CACNG4: variants seen among roughly 807,000 people sequenced by gnomAD.
The protein encoded by CACNG4 is calcium voltage-gated channel auxiliary subunit gamma 4.
A neutral mutation model predicts 22.9 loss-of-function variants in CACNG4; 8 were observed. The observed-to-expected ratio is 0.35, with a 90% CI of 0.21 to 0.63. CACNG4 has a LOEUF of 0.63. Ranked by LOEUF, CACNG4 falls within the 30% of genes least tolerant of loss-of-function variation. CACNG4 has a pLI of 0.72. For synonymous variants in CACNG4, 188 were observed against 191.9 expected (o/e 0.98, Z 0.17); for missense variants, 357 against 455.4 (o/e 0.78, Z 1.97).
At chr17:66,968,842 T>A (rs957839376) in intron 1 of CACNG4, among the ~76,000 whole-genome samples, 1 of 148,330 alleles carries the variant, frequency 6.7e-6, no homozygotes, top group Non-Finnish European at 1.5e-5. Flanking sequence ...TTTGTCTATG[T>A]CTCTCTCCCA....
intron 2 of CACNG4, 58 bp from the exon 3 acceptor site, chr17:67,024,802 C>T: frequency 7.0e-7 from 1 of 1,434,968 alleles, no homozygotes; most frequent in Non-Finnish European, 9.2e-7. Context: ...GCAGCCATGC[C>T]CGGGAGGGCA....
intron 1 of CACNG4, among the ~76,000 whole-genome samples, chr17:66,986,477 T>C (rs2035306352): frequency 6.6e-6 from 1 of 152,064 alleles, no homozygotes; most frequent in Admixed American, 6.5e-5. Flanking sequence ...AGATGGTGCC[T>C]TGGAAATAGA....
rs555971941 is a variant in CACNG4 at position 67,024,930 on chromosome 17, C to T, written c.375C>T (p.Ile125=). 328 of 1,606,798 alleles carry T rather than the reference C, an allele frequency of 2.0e-4. No individual in the cohort carries two copies. Among genetic ancestry groups the T allele is most frequent in the Non-Finnish European group, 2.5e-4 (294 of 1,177,868 alleles). Residue 125 remains isoleucine, a synonymous_variant, in exon 3 of 4, where the codon ATC becomes ATT. Coordinates refer to ENST00000262138, the MANE Select transcript of CACNG4 (RefSeq NM_014405.4). ...TILLLLGGLC[I]GAGRIYSRKN... ...TGCTCCTGCTGGGTGGCCTGTGCAT[C>T]GGTGCTGGCAGGATCTACAGCCGCA...
chr17:66,973,247 A>T (rs927369522), intron 1 of CACNG4, among the ~76,000 whole-genome samples: 1 of 152,076 alleles, frequency 6.6e-6, no homozygotes, highest in Admixed American at 6.5e-5. Flanking sequence ...TAAAAAAAAA[A>T]AAAAAGCGAA....
rs2035612080 is a variant in CACNG4 at position 67,032,180 on chromosome 17, G to A, written c.*1176G>A. 2.7e-6 allele frequency: 1 copy of A among 365,206 alleles called. No individual in the cohort carries two copies. 22.6% of individuals were successfully genotyped at this position (365,206 alleles called of 1,614,324 possible). On this transcript the variant is annotated 3_prime_UTR_variant, in exon 4 of 4. Transcript: ENST00000262138. ...GAGTGAGTTTGGATAAACGGACCGA[G>A]CTGGGCTTCTCTTCCTCCCTACAGA... is the stretch of plus-strand genomic sequence containing the variant.
chr17:66,964,931 G>A lies in CACNG4; in HGVS notation c.20G>A (p.Gly7Glu). Residue 7 changes from glycine (G) to glutamate (E), a missense_variant, in exon 1 of 4, where the codon GGG (glycine) becomes GAG (glutamate). Coordinates refer to ENST00000262138, the MANE Select transcript of CACNG4 (RefSeq NM_014405.4). ...CCCACCATGGTGCGATGCGACCGCG[G>A]GCTGCAGATGCTGCTGACCACGGCC... MVRCDRGLQMLLTTAGA... is the reference protein window; with the variant it reads MVRCDRELQMLLTTAGA... 6.3e-7 allele frequency: 1 copy of A among 1,584,416 alleles called. No individual in the cohort carries two copies. The highest frequency in any genetic ancestry group is 8.6e-7 in the Non-Finnish European group (1 of 1,169,400).
chr17:66,983,475 C>T (rs2035288496), intron 1 of CACNG4, among the ~76,000 whole-genome samples: 1 of 152,184 alleles, frequency 6.6e-6, no homozygotes, highest in African/African-American at 2.4e-5. Context: ...AGGACCCGCC[C>T]CTCAGGTGTG....
rs139336374 is a variant in CACNG4 at position 67,024,913 on chromosome 17, C to T, written c.358C>T (p.Leu120=). Residue 120 remains leucine, a synonymous_variant, in exon 3 of 4, where the codon CTG becomes TTG. Coordinates refer to ENST00000262138, the MANE Select transcript of CACNG4 (RefSeq NM_014405.4). ...FPILSTILLL[L]GGLCIGAGRI... ...CATCCTCAGCACCATCCTGCTCCTG[C>T]TGGGTGGCCTGTGCATCGGTGCTGG... 66 of 1,605,852 alleles carry T rather than the reference C, an allele frequency of 4.1e-5. No homozygotes were observed. In the East Asian group the frequency reaches 6.1e-4, roughly 15 times the overall value.
intron 1 of CACNG4, among the ~76,000 whole-genome samples, chr17:66,973,353 C>T (rs1440814821): frequency 6.6e-6 from 1 of 152,206 alleles, no homozygotes; most frequent in Non-Finnish European, 1.5e-5. Flanking sequence ...AATAGTAATG[C>T]TTTCCCTACC....
Position 67,029,327 on chromosome 17 carries a change from C to A in CACNG4, c.446-1139C>A, listed in dbSNP as rs115668216. On this transcript the variant is annotated intron_variant, in intron 3 of 3. Transcript: ENST00000262138. Reference sequence around the variant, plus strand: ...GCCTGGGCAGCAGACTGAGACTGAGCCTCTGTCTCAAAAAACAAACGAGGC... The same window carrying A: ...GCCTGGGCAGCAGACTGAGACTGAGACTCTGTCTCAAAAAACAAACGAGGC... Among the ~76,000 whole-genome samples, 217 of 147,306 alleles carry A rather than the reference C, an allele frequency of 1.5e-3. 1 individual carries two copies. The highest frequency in any genetic ancestry group is 5.3e-3 in the African/African-American group (208 of 39,422).
rs2035614905 is a variant in CACNG4, at chr17:67,032,596, T to C, written c.*1592T>C. ...ATGTCATCGTCCATCCCATCTTCCT[T>C]TGCCCCCAGGAAAGGACGCATCCAC... On this transcript the variant is annotated 3_prime_UTR_variant, in exon 4 of 4. Transcript: ENST00000262138. 4 of 154,932 alleles carry C rather than the reference T, an allele frequency of 2.6e-5. No individual in the cohort carries two copies. The highest frequency in any genetic ancestry group is 2.5e-4 in the Admixed American group (4 of 15,936). The allele number at this position is 154,932 out of a possible 1,614,324, so 9.6% of individuals were successfully genotyped here. A position where few individuals can be genotyped will look rare whatever the true frequency, so the allele number is the denominator to read the frequency against.
intron 1 of CACNG4, among the ~76,000 whole-genome samples, chr17:66,972,148 G>A (rs2035208532): frequency 6.6e-6 from 1 of 152,190 alleles, no homozygotes; most frequent in Admixed American, 6.5e-5. Context: ...GGGAAAGACA[G>A]AAGAAGGAAC....
intron 1 of CACNG4, among the ~76,000 whole-genome samples, chr17:67,006,316 G>A (rs74323166): frequency 0.021 from 3,147 of 152,242 alleles, 59 homozygotes; most frequent in African/African-American, 0.05. Context: ...CTAGAGCTCC[G>A]GGCATGAGCC....
At chr17:66,992,475 A>C (rs188617029) in intron 1 of CACNG4, among the ~76,000 whole-genome samples, 1 of 152,314 alleles carries the variant, frequency 6.6e-6, no homozygotes, top group Non-Finnish European at 1.5e-5. Flanking sequence ...CAGCAGCACA[A>C]AACAAACCTG....
At chr17:67,029,195 G>A (rs1256112343) in intron 3 of CACNG4, among the ~76,000 whole-genome samples, 1 of 152,142 alleles carries the variant, frequency 6.6e-6, no homozygotes, top group African/African-American at 2.4e-5. Flanking sequence ...ACCCAGGCAT[G>A]GTGGTGCGTG....
chr17:67,030,748 C>A lies in CACNG4; in HGVS notation c.728C>A (p.Ser243Ter). Residue 243 changes from serine (S) to a stop codon, truncating the protein, a stop_gained, in exon 4 of 4, where the codon TCG (serine) becomes TAG (stop). Transcript: ENST00000262138. LOFTEE classifies it high-confidence loss of function. This position sits in a 1 kb window ranked among gnomAD's most constrained non-coding sequence, Gnocchi z 6.4. ...MPSYRYRRRR[S>*]RSSSRSTEAS... The stretch of plus-strand genomic sequence containing the variant: ...AGCTACAGGTACCGGCGACGGCGCT[C>A]GAGGTCCAGCTCAAGGTCCACCGAG... 1 of 1,614,206 alleles carries A rather than the reference C, an allele frequency of 6.2e-7. No individual in the cohort carries two copies. The highest frequency in any genetic ancestry group is 2.2e-5 in the East Asian group (1 of 44,876).
chr17:67,024,014 C>T (rs964805041), intron 2 of CACNG4, among the ~76,000 whole-genome samples: 3 of 152,182 alleles, frequency 2.0e-5, no homozygotes, highest in African/African-American at 7.2e-5. Context: ...AGGTGGTCAC[C>T]AAAGTCAGCT....
Position 67,030,837 on chromosome 17 carries a change from G to A in CACNG4, c.817G>A (p.Glu273Lys), listed in dbSNP as rs866333708. 6.2e-7 allele frequency: 1 copy of A among 1,613,866 alleles called. No homozygotes were observed. Among genetic ancestry groups the A allele is most frequent in the Middle Eastern group, 1.6e-4 (1 of 6,062 alleles). ...GATCACAGGGGCCATCCCCATGGGG[G>A]AGCTGTCCATGTACACGCTGTCCAG... ...LKITGAIPMG[E>K]LSMYTLSREP... The change falls in exon 4 of 4, where the codon GAG (glutamate) becomes AAG (lysine). Residue 273 changes from glutamate to lysine, a missense_variant. By Grantham distance (56) the Glu-to-Lys change is moderately conservative (BLOSUM62 1). Transcript: ENST00000262138. The surrounding 1 kb of genome is among the most constrained non-coding windows in gnomAD (Gnocchi z 6.4).
chr17:66,966,178 C>T (rs565980690), intron 1 of CACNG4, among the ~76,000 whole-genome samples: 108 of 152,236 alleles, frequency 7.1e-4, no homozygotes, highest in Middle Eastern at 3.4e-3. Context: ...GCTTCGGCGC[C>T]TTCCGGGCGC....
Sources: gnomAD v4.1 joint callset for allele counts (sites outside exome capture counted in the v4.1 genomes callset) on GRCh38, gnomAD v4.1.1 for gene constraint, Gnocchi (gnomAD v3.1) non-coding constraint, MANE v1.5 for transcripts, NCBI Gene and HGNC (gene_info 2026-07-23, HGNC 2026-07-21) for gene names.